Variants in N4BP2L2 observed in about 807,000 individuals in gnomAD.
N4BP2L2 encodes the protein NEDD4-binding protein 2-like 2.
N4BP2L2 carries 50 observed loss-of-function variants against 56.2 expected under a neutral mutation model. The ratio of observed to expected loss-of-function variants is 0.89; its 90% CI spans 0.71 to 1.13. The LOEUF is 1.13. Among genes scored for constraint, N4BP2L2 ranks in the 50% most tolerant of loss-of-function variants. N4BP2L2 has a pLI of 0.00. For missense variants in N4BP2L2, 689 were observed against 693.8 expected, an observed-to-expected ratio of 0.99 and a Z score of 0.08; for synonymous variants, 203 against 223.6, an observed-to-expected ratio of 0.91 and a Z score of 0.82.
At chr13:32,478,956 G>C (rs1190864698) in intron 6 of N4BP2L2, 4 of 151,876 alleles carry the variant, frequency 2.6e-5, no homozygotes, top group African/African-American at 9.7e-5. Context: ...ATGGTGAAAC[G>C]CTATCTCTAC....
intron 6 of N4BP2L2, among the ~76,000 whole-genome samples, chr13:32,462,182 G>T (rs2080232308): frequency 6.6e-6 from 1 of 152,132 alleles, no homozygotes; most frequent in African/African-American, 2.4e-5. Context: ...CAAAAACATG[G>T]AATCAACCTA....
At chr13:32,466,001 T>C (rs1195004400) in intron 6 of N4BP2L2, among the ~76,000 whole-genome samples, 1 of 152,178 alleles carries the variant, frequency 6.6e-6, no homozygotes, top group Non-Finnish European at 1.5e-5. Context: ...TATTTTTCAA[T>C]ATGCTGGTTG....
intron 9 of N4BP2L2, chr13:32,436,218 CAAGGTTG>C (rs2075455627): frequency 9.7e-6 from 4 of 412,040 alleles, no homozygotes; most frequent in African/African-American, 6.3e-5. Flanking sequence ...TAATAGCACA[CAAGGTTG>C]CTATGGTAAC....
intron 9 of N4BP2L2, chr13:32,436,305 G>A: frequency 2.4e-6 from 2 of 837,782 alleles, no homozygotes; most frequent in East Asian, 3.1e-5. Context: ...AACAAATAAT[G>A]TCAAGATTAA....
At chr13:32,520,634 G>A (rs1402579823) in intron 5 of N4BP2L2, among the ~76,000 whole-genome samples, 1 of 151,270 alleles carries the variant, frequency 6.6e-6, no homozygotes, top group East Asian at 1.9e-4. Context: ...ACTCCAGCCT[G>A]GGCAACAGAG....
At chr13:32,456,964 C>T (rs972495307) in intron 6 of N4BP2L2, among the ~76,000 whole-genome samples, 9 of 151,988 alleles carry the variant, frequency 5.9e-5, no homozygotes, top group Non-Finnish European at 1.2e-4. Flanking sequence ...ATGGCGAAAC[C>T]CTATCTCTAC....
At position 32,452,971 on chromosome 13, in the gene N4BP2L2, A is replaced by T. The variant is rs145578598; in HGVS notation, c.366-8845T>A. On this transcript the variant is annotated intron_variant, in intron 6 of 9. Coordinates refer to the N4BP2L2 transcript ENST00000357505. Reference sequence around the variant, plus strand: ...ACTGTAAAGGAAGAAAAAAATTGTTATTCTTGGTTGGGCACAGTGGCTCAC... The same window carrying T: ...ACTGTAAAGGAAGAAAAAAATTGTTTTTCTTGGTTGGGCACAGTGGCTCAC... Among the ~76,000 whole-genome samples the T allele has an allele frequency of 5.9e-5, 9 of 152,300 alleles. No homozygotes were observed. The East Asian group carries it at 1.7e-3, about 29-fold the overall frequency.
intron 7 of N4BP2L2, among the ~76,000 whole-genome samples, chr13:32,439,778 C>T (rs551578083): frequency 3.3e-5 from 5 of 149,578 alleles, no homozygotes; most frequent in South Asian, 2.1e-4. Context: ...TTTGGGAGGC[C>T]GAGGTGGGTG....
intron 6 of N4BP2L2, among the ~76,000 whole-genome samples, chr13:32,467,839 A>C (rs540235621): frequency 6.6e-5 from 10 of 151,606 alleles, no homozygotes; most frequent in Non-Finnish European, 1.0e-4. Flanking sequence ...AAAATACAAA[A>C]ATTATCTGGG....
Position 32,457,125 on chromosome 13 carries a change from C to T in N4BP2L2, c.366-12999G>A, listed in dbSNP as rs145186554. ...CTGCACTCCAGCCTGGGCAACAGAG[C>T]GAGACTCCATCTCAAAAACAACAAC... On this transcript the variant is annotated intron_variant, in intron 6 of 9. Coordinates refer to the N4BP2L2 transcript ENST00000357505. Among the ~76,000 whole-genome samples the T allele has an allele frequency of 5.6e-3, 855 of 152,052 alleles. 6 individuals are homozygous for T. Among genetic ancestry groups the T allele is most frequent in the African/African-American group, 0.016 (664 of 41,474 alleles).
At chr13:32,517,552 A>G (rs2049508945) in exon 6 of N4BP2L2, 1 of 1,218,722 alleles carries the variant, frequency 8.2e-7, no homozygotes, top group Admixed American at 4.0e-5. Context: ...CCTACCCACC[A>G]CTCTATTACT....
intron 6 of N4BP2L2, among the ~76,000 whole-genome samples, chr13:32,466,566 T>C (rs936935123): frequency 1.2e-4 from 18 of 151,904 alleles, no homozygotes; most frequent in African/African-American, 4.1e-4. Context: ...AAAAAGAACC[T>C]AGTAACAGAA....
At chr13:32,453,469 C>A (rs769113112) in intron 6 of N4BP2L2, among the ~76,000 whole-genome samples, 37 of 151,800 alleles carry the variant, frequency 2.4e-4, no homozygotes, top group Non-Finnish European at 4.4e-4. Context: ...AGTAAGAAAT[C>A]TTTGTTAGTT....
downstream of N4BP2L2, chr13:32,509,171 C>T (rs2139720832): frequency 6.6e-6 from 1 of 152,266 alleles, no homozygotes; most frequent in Middle Eastern, 3.4e-3. Context: ...GCTCCATCTC[C>T]ACGTTTCCTA....
At chr13:32,486,714 A>G (rs974872101) in intron 6 of N4BP2L2, among the ~76,000 whole-genome samples, 5 of 151,518 alleles carry the variant, frequency 3.3e-5, no homozygotes, top group Non-Finnish European at 7.4e-5. Flanking sequence ...AATAAAAATA[A>G]ACTGGCTAAG....
At chr13:32,524,516 TAGAA>T (rs1460858421) in intron 3 of N4BP2L2, 1 of 152,226 alleles carries the variant, frequency 6.6e-6, no homozygotes, top group Non-Finnish European at 1.5e-5. Context: ...ATCATACTGT[TAGAA>T]AGAGAAGAAC....
intron 1 of N4BP2L2, among the ~76,000 whole-genome samples, chr13:32,537,994 C>CG (rs1040667719): frequency 8.4e-4 from 114 of 136,300 alleles, no homozygotes; most frequent in African/African-American, 1.8e-3. Flanking sequence ...CGCTTGAACC[C>CG]GGGGGGGGCG....
intron 6 of N4BP2L2, among the ~76,000 whole-genome samples, chr13:32,488,396 G>T (rs2086351306): frequency 6.6e-6 from 1 of 152,102 alleles, no homozygotes; most frequent in Admixed American, 6.5e-5. Context: ...AAGAGACACT[G>T]TGGACTACTA....
chr13:32,441,766 G>A (rs914604287), intron 7 of N4BP2L2, among the ~76,000 whole-genome samples: 8 of 148,724 alleles, frequency 5.4e-5, no homozygotes, highest in South Asian at 2.1e-4. Context: ...AGGTTTGGCC[G>A]GGCGCGGTGG....
Sources: allele counts gnomAD v4.1 joint callset (sites outside exome capture counted in the v4.1 genomes callset), GRCh38; gene constraint gnomAD v4.1.1; transcripts MANE v1.5; gene names NCBI Gene and HGNC (gene_info 2026-07-23, HGNC 2026-07-21).